Variants in LCLAT1 observed in about 807,000 individuals in gnomAD.
The protein encoded by LCLAT1 is lysocardiolipin acyltransferase 1.
LCLAT1 carries 11 observed loss-of-function variants against 30.7 expected under a neutral mutation model. The observed-to-expected ratio is 0.36, with a 90% confidence interval of 0.23 to 0.59. The LOEUF is 0.59. Ranked by LOEUF, LCLAT1 falls within the 20% of genes least tolerant of loss-of-function variation. The pLI is 0.77. For missense variants in LCLAT1, 402 were observed against 458.6 expected, an observed-to-expected ratio of 0.88 and a Z score of 1.13; for synonymous variants, 155 against 151.3, an observed-to-expected ratio of 1.02 and a Z score of -0.18.
Position 30,624,273 on chromosome 2 carries a change from C to T in LCLAT1, c.629-15844C>T, listed in dbSNP as rs568825126. Reference sequence around the variant, plus strand: ...TAGAATAGTACTTCACATCTCAGTACTAACATTGAATGTAAATGGCCTAAA... The same window carrying T: ...TAGAATAGTACTTCACATCTCAGTATTAACATTGAATGTAAATGGCCTAAA... On this transcript the variant is annotated intron_variant, in intron 5 of 5. Coordinates refer to ENST00000379509, the MANE Select transcript of LCLAT1 (RefSeq NM_001002257.3). Among the ~76,000 whole-genome samples the T allele has an allele frequency of 7.7e-4, 117 of 152,298 alleles. 1 individual carries two copies. The highest frequency in any genetic ancestry group is 2.6e-3 in the African/African-American group (107 of 41,558).
intron 5 of LCLAT1, among the ~76,000 whole-genome samples, chr2:30,619,109 A>G (rs910218465): frequency 3.9e-5 from 6 of 152,198 alleles, no homozygotes; most frequent in Non-Finnish European, 7.3e-5. Flanking sequence ...ACATCTTCCT[A>G]CGTAATCCCT....
intron 5 of LCLAT1, among the ~76,000 whole-genome samples, chr2:30,611,922 C>CGT (rs1407561629): frequency 6.6e-6 from 1 of 151,880 alleles, no homozygotes; most frequent in African/African-American, 2.4e-5. Flanking sequence ...TTTTCAGAGC[C>CGT]GTGTCTGCAC....
intron 5 of LCLAT1, among the ~76,000 whole-genome samples, chr2:30,591,229 T>C (rs1247558133): frequency 6.6e-6 from 1 of 152,204 alleles, no homozygotes; most frequent in Non-Finnish European, 1.5e-5. Context: ...TAGAGTATAG[T>C]GATCAACTTG....
chr2:30,492,272 A>G (rs1207718743), intron 1 of LCLAT1, among the ~76,000 whole-genome samples: 2 of 152,246 alleles, frequency 1.3e-5, no homozygotes, highest in Non-Finnish European at 2.9e-5. Context: ...TAGGGAAGGA[A>G]GGAGACTTTT....
In LCLAT1 at chr2:30,601,051, A is replaced by G. The variant is rs914925178; in HGVS notation, c.628+32875A>G. On this transcript the variant is annotated intron_variant, in intron 5 of 5. Transcript: ENST00000379509. The stretch of plus-strand genomic sequence containing the variant: ...AGCAACATAGTCTTCAAGCTCTGAG[A>G]TCCTTTCCTCCGTTTGATCTATTCA... Among the ~76,000 whole-genome samples the G allele has an allele frequency of 3.3e-5, 5 of 152,060 alleles. No homozygotes were observed. The East Asian group carries it at 5.8e-4, about 18-fold the overall frequency.
rs1572629516 is a variant in LCLAT1, at chr2:30,562,428, C to G, written c.511+136C>G. 4 of 624,870 alleles carry G rather than the reference C, an allele frequency of 6.4e-6. No homozygotes were observed. The East Asian group carries it at 1.2e-4, about 19-fold the overall frequency. 38.7% of individuals were successfully genotyped at this position (624,870 alleles called of 1,614,324 possible). The stretch of plus-strand genomic sequence containing the variant: ...GTCCATCCCTGGAATCCTAGCTACT[C>G]AGGAGGCTGAGACTGGAAGATGGAT... On this transcript the variant is annotated intron_variant, in intron 4 of 5. Coordinates refer to ENST00000379509, the MANE Select transcript of LCLAT1 (RefSeq NM_001002257.3).
chr2:30,479,232 CTTTGGTTTTTTTTTTG>C (rs1683206446), intron 1 of LCLAT1, among the ~76,000 whole-genome samples: 1 of 151,644 alleles, frequency 6.6e-6, no homozygotes, highest in Admixed American at 6.6e-5. Context: ...TTTTTATTTT[CTTTGGTTTTTTTTTTG>C]GGACAGGGTC....
At chr2:30,610,613 A>G (rs540165000) in intron 5 of LCLAT1, among the ~76,000 whole-genome samples, 123 of 152,270 alleles carry the variant, frequency 8.1e-4, no homozygotes, top group Non-Finnish European at 1.5e-3. Context: ...TCACTCTGCT[A>G]AATTCAAGAG....
chr2:30,574,687 G>GTC (rs10624638), intron 5 of LCLAT1, among the ~76,000 whole-genome samples: 19,265 of 152,188 alleles, frequency 0.13, 1,344 homozygotes, highest in South Asian at 0.23. Context: ...TCCATAAAAA[G>GTC]TGTCACTCAC....
At chr2:30,488,924 A>G (rs552207854) in intron 1 of LCLAT1, among the ~76,000 whole-genome samples, 22 of 152,352 alleles carry the variant, frequency 1.4e-4, no homozygotes, top group African/African-American at 5.0e-4. Context: ...TTCTGTTACA[A>G]TGTTAAAATT....
chr2:30,594,156 C>T (rs570716653), intron 5 of LCLAT1, among the ~76,000 whole-genome samples: 1 of 151,962 alleles, frequency 6.6e-6, no homozygotes, highest in South Asian at 2.1e-4. Flanking sequence ...TGCTATTTGA[C>T]CTTTTAATCT....
chr2:30,536,499 G>GA (rs1281237881), intron 3 of LCLAT1, among the ~76,000 whole-genome samples: 1 of 152,170 alleles, frequency 6.6e-6, no homozygotes, highest in Non-Finnish European at 1.5e-5. Flanking sequence ...CATGCTGAAA[G>GA]AAAAAACTGT....
At chr2:30,549,649 T>G (rs1222049387) in intron 3 of LCLAT1, among the ~76,000 whole-genome samples, 1 of 152,182 alleles carries the variant, frequency 6.6e-6, no homozygotes, top group Non-Finnish European at 1.5e-5. Flanking sequence ...TATCTCATAG[T>G]TGGTAACTTT....
intron 1 of LCLAT1, among the ~76,000 whole-genome samples, chr2:30,474,235 T>C (rs1340117644): frequency 6.6e-6 from 1 of 152,200 alleles, no homozygotes; most frequent in African/African-American, 2.4e-5. Context: ...GGAGGACAAC[T>C]GAACCTGCTC....
chr2:30,483,566 GTGTC>G, intron 1 of LCLAT1, among the ~76,000 whole-genome samples: 1 of 152,212 alleles, frequency 6.6e-6, no homozygotes, highest in South Asian at 2.1e-4. Context: ...GCCTGGCAAA[GTGTC>G]TGGCATAGTG....
chr2:30,603,079 G>A, intron 5 of LCLAT1, among the ~76,000 whole-genome samples: 1 of 152,014 alleles, frequency 6.6e-6, no homozygotes. Context: ...CATTCTTATT[G>A]TGCTGCTTCA....
chr2:30,533,585 T>C (rs1002976559), intron 3 of LCLAT1, among the ~76,000 whole-genome samples: 1 of 152,240 alleles, frequency 6.6e-6, no homozygotes, highest in Non-Finnish European at 1.5e-5. Flanking sequence ...GGATATGAAT[T>C]AATAGTTTAG....
intron 3 of LCLAT1, among the ~76,000 whole-genome samples, chr2:30,547,707 C>G (rs1157628368): frequency 1.5e-5 from 2 of 131,518 alleles, no homozygotes; most frequent in African/African-American, 5.2e-5. Context: ...CCTCAGACAT[C>G]AGGAGGATGG....
intron 5 of LCLAT1, among the ~76,000 whole-genome samples, chr2:30,629,713 G>C (rs1668682141): frequency 6.6e-6 from 1 of 152,170 alleles, no homozygotes; most frequent in Non-Finnish European, 1.5e-5. Flanking sequence ...GCTAAAGCCT[G>C]TTAAGGTGTT....
Sources: allele counts gnomAD v4.1 joint callset (sites outside exome capture counted in the v4.1 genomes callset), GRCh38; gene constraint gnomAD v4.1.1; transcripts MANE v1.5; gene names NCBI Gene and HGNC (gene_info 2026-07-23, HGNC 2026-07-21).